The following ZC3H14 variants were observed in gnomAD, a reference collection of about 807,000 sequenced individuals.
ZC3H14 encodes the protein zinc finger CCCH domain-containing protein 14.
A neutral mutation model predicts 92.4 loss-of-function variants in ZC3H14; 31 were observed. The observed-to-expected ratio is 0.34, with a 90% CI of 0.25 to 0.45. The LOEUF is 0.45. Ranked by LOEUF, ZC3H14 falls within the 20% of genes least tolerant of loss-of-function variation. The probability of loss-of-function intolerance (pLI) is 1.00; values close to 1 mark genes in which losing one functional copy is unlikely to be tolerated. For missense variants in ZC3H14, 781 were observed against 897.3 expected (o/e 0.87, Z 1.66); for synonymous variants, 321 against 300.9 (o/e 1.07, Z -0.69).
chr14:88,574,501 C>A, intron 6 of ZC3H14, 192 bp from the exon 7 acceptor site: 1 of 640,492 alleles, frequency 1.6e-6, no homozygotes, highest in Non-Finnish European at 2.6e-6. Flanking sequence ...CTTCGGCCTT[C>A]CAAAGTGCTA....
chr14:88,579,883 A>C (rs1019459091), intron 9 of ZC3H14, among the ~76,000 whole-genome samples: 2 of 152,238 alleles, frequency 1.3e-5, no homozygotes, highest in Non-Finnish European at 2.9e-5. Flanking sequence ...CATTATTTAA[A>C]TAATACAAGA....
chr14:88,608,379 GATTTTGGCTT>G, intron 13 of ZC3H14: 1 of 438,738 alleles, frequency 2.3e-6, no homozygotes, highest in Non-Finnish European at 4.5e-6. Flanking sequence ...ATAGCCAGCT[GATTTTGGCTT>G]TCAGTTTAGT....
chr14:88,563,834 T>A, intron 2 of ZC3H14, 141 bp downstream of exon 2: 1 of 814,016 alleles, frequency 1.2e-6, no homozygotes, highest in Non-Finnish European at 2.0e-6. Context: ...ACTCCCTGGT[T>A]ACTTCTTTAT....
Position 88,574,753 on chromosome 14 carries a change from T to G in ZC3H14, c.922T>G (p.Phe308Val). The G allele has an allele frequency of 6.2e-7, 1 of 1,614,080 alleles. No individual in the cohort carries two copies. ...VVSSVVKVKKFNHDGEEEEED... is the reference protein window; with the variant it reads ...VVSSVVKVKKVNHDGEEEEED... Reference sequence around the variant, plus strand: ...AAGTTCAGTTGTTAAAGTAAAAAAATTCAATCATGATGGAGAAGAGGAGGA... The same window carrying G: ...AAGTTCAGTTGTTAAAGTAAAAAAAGTCAATCATGATGGAGAAGAGGAGGA... Residue 308 changes from phenylalanine to valine, a missense_variant, in exon 7 of 17, where the codon TTC becomes GTC. Phe to Val is a conservative substitution (Grantham distance 50, BLOSUM62 -1). This residue lies in a region of ZC3H14 where 454 missense variants were observed against 438.5 expected (regional missense o/e 1.04). Transcript: ENST00000251038.
At position 88,586,609 on chromosome 14, in the gene ZC3H14, C is replaced by T. The variant is rs1356220716; in HGVS notation, c.1279+8469C>T. The T allele has an allele frequency of 3.3e-5, 5 of 152,164 alleles. No individual in the cohort carries two copies. The East Asian group carries it at 9.6e-4, about 29-fold the overall frequency. The allele number at this position is 152,164 out of a possible 1,614,324, so 9.4% of individuals were successfully genotyped here. A position where few individuals can be genotyped will look rare whatever the true frequency, so the allele number is the denominator to read the frequency against. Reference sequence around the variant, plus strand: ...TCTCTCTGGCTGCTTTCAAGATCTTCTCTTTGTGTTTGATGTTCTGCAGTT... The same window carrying T: ...TCTCTCTGGCTGCTTTCAAGATCTTTTCTTTGTGTTTGATGTTCTGCAGTT... On this transcript the variant is annotated intron_variant, in intron 9 of 16. Transcript: ENST00000251038.
Position 88,612,046 on chromosome 14 carries a change from C to T in ZC3H14, c.*295C>T. The T allele has an allele frequency of 2.8e-5, 12 of 431,250 alleles. No individual in the cohort carries two copies. The highest frequency in any genetic ancestry group is 4.6e-5 in the Non-Finnish European group (11 of 238,880). The allele number at this position is 431,250 out of a possible 1,614,324, so 26.7% of individuals were successfully genotyped here. On this transcript the variant is annotated 3_prime_UTR_variant, in exon 17 of 17. Coordinates refer to ENST00000251038, the MANE Select transcript of ZC3H14 (RefSeq NM_024824.5). ...TGTGCACTGCTGTTGTGAGGATCAG[C>T]ATATGAAATTGACATCATGGTTAGT...
Position 88,572,860 on chromosome 14 carries a change from G to A in ZC3H14, c.714G>A (p.Gln238=), listed in dbSNP as rs564069379. 578 of 1,614,198 alleles carry A rather than the reference G, an allele frequency of 3.6e-4. 2 individuals are homozygous for A. The South Asian group carries it at 5.9e-3, about 16-fold the overall frequency. Residue 238 remains glutamine (Q), a synonymous_variant, in exon 6 of 17, where the codon CAG becomes CAA. Coordinates refer to ENST00000251038, the MANE Select transcript of ZC3H14 (RefSeq NM_024824.5). ...HLNRLQFQQQ[Q]NSIHAAKQLD... ...ACAGGTTGCAATTTCAACAGCAGCA[G>A]AATAGTATTCATGCTGCCAAGCAGC...
At chr14:88,604,522 C>T (rs944625513) in intron 12 of ZC3H14, among the ~76,000 whole-genome samples, 3 of 151,722 alleles carry the variant, frequency 2.0e-5, no homozygotes, top group African/African-American at 7.3e-5. Flanking sequence ...ATGCTACCAA[C>T]AACAACATCT....
In ZC3H14 at chr14:88,622,308, A is replaced by G; in HGVS notation, c.*10557A>G. On this transcript the variant is annotated 3_prime_UTR_variant, in exon 17 of 17. Transcript: ENST00000251038. Reference sequence around the variant, plus strand: ...TTAAAAAATGGAGACAGCTGTCCTAATATGAGTCAACTGCCAAGGGCTTTC... The same window carrying G: ...TTAAAAAATGGAGACAGCTGTCCTAGTATGAGTCAACTGCCAAGGGCTTTC... The G allele has an allele frequency of 3.8e-6, 1 of 263,718 alleles. No individual in the cohort carries two copies. The highest frequency in any genetic ancestry group is 7.1e-6 in the Non-Finnish European group (1 of 140,048). 16.3% of individuals were successfully genotyped at this position (263,718 alleles called of 1,614,324 possible).
chr14:88,588,172 TC>T (rs1350229603), intron 9 of ZC3H14, among the ~76,000 whole-genome samples: 1 of 152,144 alleles, frequency 6.6e-6, no homozygotes, highest in Non-Finnish European at 1.5e-5. Context: ...GGTACCTTCC[TC>T]CTGGAGCCTC....
At chr14:88,609,093 ATGAT>A in intron 13 of ZC3H14, 170 bp from the exon 14 acceptor site, 1 of 774,082 alleles carries the variant, frequency 1.3e-6, no homozygotes, top group South Asian at 1.9e-5. Context: ...TTTGGAATAA[ATGAT>A]TGTGTCCTAT....
At chr14:88,611,046 G>T in intron 16 of ZC3H14, 106 bp downstream of exon 16, 1 of 1,138,656 alleles carries the variant, frequency 8.8e-7, no homozygotes. Context: ...CTGTTACTTT[G>T]AATTTTTTTC....
rs527414056 is a variant in ZC3H14 at position 88,610,263 on chromosome 14, C to A, written c.2097+460C>A. Among the ~76,000 whole-genome samples the A allele has an allele frequency of 2.0e-3, 307 of 152,258 alleles. 4 individuals are homozygous for A. The highest frequency in any genetic ancestry group is 7.0e-3 in the African/African-American group (289 of 41,536). On this transcript the variant is annotated intron_variant, in intron 15 of 16. Coordinates refer to ENST00000251038, the MANE Select transcript of ZC3H14 (RefSeq NM_024824.5). ...GGTAGCTTGAGGACCATATGAAGGC[C>A]TTCACTTGCCCCCATCTGTAACTGG...
chr14:88,583,516 G>A (rs2082153787), intron 9 of ZC3H14, among the ~76,000 whole-genome samples: 1 of 151,918 alleles, frequency 6.6e-6, no homozygotes, highest in African/African-American at 2.4e-5. Flanking sequence ...ACATATGACA[G>A]GTTTTAATTC....
In ZC3H14 at chr14:88,563,663, G is replaced by A; in HGVS notation, c.49G>A (p.Gly17Arg). The A allele has an allele frequency of 1.2e-6, 2 of 1,614,218 alleles. No individual in the cohort carries two copies. The highest frequency in any genetic ancestry group is 2.2e-5 in the East Asian group (1 of 44,878). ...ISRKIRSAIK[G>R]KLQELGAYVD... is the part of the protein sequence containing the mutation. ...CTTTTTCTCTCAGAGTGCCATTAAG[G>A]GGAAATTACAAGAATTAGGAGCTTA... The change falls in exon 2 of 17, where the codon GGG becomes AGG. Residue 17 changes from glycine (G) to arginine (R), a missense_variant. Gly to Arg is a moderately radical substitution (Grantham distance 125, BLOSUM62 -2). This residue lies in a region of ZC3H14 where 106 missense variants were observed against 154.2 expected (regional missense o/e 0.69). Transcript: ENST00000251038.
chr14:88,602,052 C>A lies in ZC3H14; in HGVS notation c.1483C>A (p.Arg495=), dbSNP rs1476463936. The A allele has an allele frequency of 1.2e-6, 2 of 1,614,064 alleles. No homozygotes were observed. The highest frequency in any genetic ancestry group is 1.7e-6 in the Non-Finnish European group (2 of 1,179,958). ...GGGGATGAAGACTGCAGATTCCCTTCGGGTACTTTCAGGACACCTTATGCA... is the reference window on the plus strand; with the variant it reads ...GGGGATGAAGACTGCAGATTCCCTTAGGGTACTTTCAGGACACCTTATGCA... ...ESGMKTADSL[R]VLSGHLMQTR... is the part of the protein sequence containing the mutation. The change falls in exon 11 of 17, where the codon CGG becomes AGG. Residue 495 remains arginine (R), a synonymous_variant. Coordinates refer to ENST00000251038, the MANE Select transcript of ZC3H14 (RefSeq NM_024824.5).
intron 10 of ZC3H14, among the ~76,000 whole-genome samples, chr14:88,599,118 TGAA>T (rs1032181883): frequency 3.9e-5 from 6 of 152,182 alleles, no homozygotes; most frequent in African/African-American, 1.4e-4. Flanking sequence ...GAATTAGAGT[TGAA>T]GAAGAACTAA....
intron 8 of ZC3H14, among the ~76,000 whole-genome samples, chr14:88,577,361 C>CT (rs1566913272): frequency 6.6e-6 from 1 of 152,094 alleles, no homozygotes; most frequent in African/African-American, 2.4e-5. Flanking sequence ...ATTTGAAACT[C>CT]ATATAAGATC....
chr14:88,595,088 G>A (rs752141464), intron 9 of ZC3H14: 1 of 1,611,920 alleles, frequency 6.2e-7, no homozygotes. Flanking sequence ...AAAATAATCG[G>A]CTTCCTTAGA....
Sources: gnomAD v4.1 joint callset for allele counts (sites outside exome capture counted in the v4.1 genomes callset) on GRCh38, gnomAD v4.1.1 for gene constraint, gnomAD v4.1.1 regional missense constraint, MANE v1.5 for transcripts, NCBI Gene and HGNC (gene_info 2026-07-23, HGNC 2026-07-21) for gene names.